WDR33: variants seen among roughly 807,000 people sequenced by gnomAD.
The protein encoded by WDR33 is pre-mRNA 3' end processing protein WDR33.
WDR33 carries 47 observed loss-of-function variants against 164.9 expected under a neutral mutation model. The observed-to-expected ratio is 0.29, with a 90% CI of 0.23 to 0.36. WDR33 has a LOEUF of 0.36. Ranked by LOEUF, WDR33 falls within the 10% of genes least tolerant of loss-of-function variation. WDR33 has a pLI of 1.00. For missense variants in WDR33, 1,137 were observed against 1,754.1 expected, an observed-to-expected ratio of 0.65 and a Z score of 6.28; for synonymous variants, 505 against 589.0, an observed-to-expected ratio of 0.86 and a Z score of 2.06.
At position 127,736,345 on chromosome 2, in the gene WDR33, A is replaced by G. The variant is rs141280487; in HGVS notation, c.725-9568T>C. ...CTTTAACCTTTAATTTGTAATGTGT[A>G]TTTCTTTACTGAAAATTCAGAAATG... On this transcript the variant is annotated intron_variant, in intron 7 of 21. Coordinates refer to ENST00000322313, the MANE Select transcript of WDR33 (RefSeq NM_018383.5). 4.7e-4 allele frequency: 467 copies of G among 985,428 alleles called. 2 individuals are homozygous for G. The Middle Eastern group carries it at 8.9e-3, about 19-fold the overall frequency. The allele number at this position is 985,428 out of a possible 1,614,324, so 61.0% of individuals were successfully genotyped here. A position where few individuals can be genotyped will look rare whatever the true frequency, so the allele number is the denominator to read the frequency against.
chr2:127,720,647 C>A lies in WDR33; in HGVS notation c.1672-294G>T, dbSNP rs1686417061. Among the ~76,000 whole-genome samples, 1 of 151,942 alleles carries A rather than the reference C, an allele frequency of 6.6e-6. No homozygotes were observed. Among genetic ancestry groups the A allele is most frequent in the South Asian group, 2.1e-4 (1 of 4,814 alleles). On this transcript the variant is annotated intron_variant, in intron 15 of 21. Transcript: ENST00000322313. The surrounding 1 kb of genome is among the most constrained non-coding windows in gnomAD (Gnocchi z 5.9). ...TGGTACGATCGTGGTTCACTACAGC[C>A]TCACCCTCCTGGGCTCAAGTGATCC...
At position 127,764,866 on chromosome 2, in the gene WDR33, C is replaced by T; in HGVS notation, c.588G>A (p.Lys196=). 6.2e-7 allele frequency: 1 copy of T among 1,614,166 alleles called. No homozygotes were observed. The highest frequency in any genetic ancestry group is 8.5e-7 in the Non-Finnish European group (1 of 1,180,020). The part of the protein sequence containing the change: ...KYWQSNMNNV[K]MFQAHKEAIR... ...TCGCCTCCTTATGTGCCTGGAACAT[C>T]TTGACGTTGTTCATGTTCGACTGCC... The change falls in exon 6 of 22, where the codon AAG becomes AAA. Residue 196 remains lysine, a synonymous_variant. Coordinates refer to ENST00000322313, the MANE Select transcript of WDR33 (RefSeq NM_018383.5). The surrounding 1 kb of genome is among the most constrained non-coding windows in gnomAD (Gnocchi z 6.2).
In WDR33 at chr2:127,706,435, C is replaced by T. The variant is rs1314403392; in HGVS notation, c.3899G>A (p.Ser1300Asn). ...CCGGCCCCCTCGAGAAGGGGTGCCA[C>T]TGCCTGGAGGGCCCCCAAAAGGTTC... ...RDEPFGGPPG[S>N]GTPSRGGRSG... The change falls in exon 22 of 22, where the codon AGT (serine) becomes AAT (asparagine). Residue 1300 changes from serine (S) to asparagine (N), a missense_variant. Around this residue, in one of 9 missense-constraint regions of WDR33, gnomAD observed 867 missense variants for 1,073.0 expected, o/e 0.81. Transcript: ENST00000322313. The surrounding 1 kb of genome is among the most constrained non-coding windows in gnomAD (Gnocchi z 5.1). The T allele has an allele frequency of 1.2e-6, 2 of 1,613,564 alleles. No individual in the cohort carries two copies. Among genetic ancestry groups the T allele is most frequent in the African/African-American group, 2.7e-5 (2 of 74,902 alleles).
intron 1 of WDR33, among the ~76,000 whole-genome samples, chr2:127,788,660 C>T (rs1171288534): frequency 6.8e-4 from 101 of 147,970 alleles, no homozygotes; most frequent in African/African-American, 2.5e-3. Flanking sequence ...CTGACCCCCC[C>T]ACCTCCCTCC....
chr2:127,750,519 T>G (rs1285461555), intron 7 of WDR33, among the ~76,000 whole-genome samples: 1 of 149,930 alleles, frequency 6.7e-6, no homozygotes, highest in African/African-American at 2.5e-5. Flanking sequence ...TGGTGGCACG[T>G]GCCTATAATC....
chr2:127,717,064 C>G lies in WDR33; in HGVS notation c.2869+91G>C. 7.6e-7 allele frequency: 1 copy of G among 1,315,564 alleles called. No homozygotes were observed. Among genetic ancestry groups the G allele is most frequent in the Non-Finnish European group, 1.1e-6 (1 of 932,866 alleles). The allele number at this position is 1,315,564 out of a possible 1,614,324, so 81.5% of individuals were successfully genotyped here. A position where few individuals can be genotyped will look rare whatever the true frequency, so the allele number is the denominator to read the frequency against. Reference sequence around the variant, plus strand: ...TTGCCCAGAGGTTCAAATGACCAGTCTATCAATGACTGGCCAACAAAATTA... The same window carrying G: ...TTGCCCAGAGGTTCAAATGACCAGTGTATCAATGACTGGCCAACAAAATTA... On this transcript the variant is annotated intron_variant, in intron 17 of 21. Coordinates refer to ENST00000322313, the MANE Select transcript of WDR33 (RefSeq NM_018383.5). This position sits in a 1 kb window ranked among gnomAD's most constrained non-coding sequence, Gnocchi z 5.6.
chr2:127,743,299 T>C (rs1386725411), intron 7 of WDR33, among the ~76,000 whole-genome samples: 2 of 152,162 alleles, frequency 1.3e-5, no homozygotes, highest in Admixed American at 6.5e-5. Flanking sequence ...AAGGTAATAA[T>C]AAATTGCAAG....
intron 1 of WDR33, among the ~76,000 whole-genome samples, chr2:127,791,996 T>C (rs1003676094): frequency 1.3e-5 from 2 of 151,712 alleles, no homozygotes; most frequent in Non-Finnish European, 1.5e-5. Flanking sequence ...TGGAGTGCAG[T>C]GGTGTGATCT....
intron 1 of WDR33, among the ~76,000 whole-genome samples, chr2:127,783,965 T>C (rs1688469011): frequency 6.7e-6 from 1 of 149,454 alleles, no homozygotes; most frequent in Non-Finnish European, 1.5e-5. Context: ...TACTGTGGTA[T>C]TGGATACTGG....
At chr2:127,771,937 G>A (rs776971027) in intron 1 of WDR33, among the ~76,000 whole-genome samples, 59 of 152,228 alleles carry the variant, frequency 3.9e-4, no homozygotes, top group Non-Finnish European at 8.2e-4. Context: ...TCAGTGGATG[G>A]GTACGTGTTT....
chr2:127,797,810 G>C (rs909701146), intron 1 of WDR33, among the ~76,000 whole-genome samples: 1 of 151,952 alleles, frequency 6.6e-6, no homozygotes, highest in African/African-American at 2.4e-5. Flanking sequence ...TCAGAAGTTC[G>C]AGACCAGTCT....
At chr2:127,733,078 T>C (rs1686750103) in intron 7 of WDR33, among the ~76,000 whole-genome samples, 2 of 152,208 alleles carry the variant, frequency 1.3e-5, no homozygotes, top group Admixed American at 1.3e-4. Flanking sequence ...GCCTGGTGAC[T>C]AGACGTTATA....
At chr2:127,733,466 T>C (rs906836508) in intron 7 of WDR33, among the ~76,000 whole-genome samples, 1 of 152,220 alleles carries the variant, frequency 6.6e-6, no homozygotes, top group Non-Finnish European at 1.5e-5. Flanking sequence ...TAGATCACTA[T>C]ATAAAGAAAA....
intron 1 of WDR33, among the ~76,000 whole-genome samples, chr2:127,775,363 CT>C: frequency 6.6e-6 from 1 of 152,194 alleles, no homozygotes; most frequent in South Asian, 2.1e-4. Context: ...TAATTTTTGT[CT>C]TTTTAATAGA....
intron 7 of WDR33, among the ~76,000 whole-genome samples, chr2:127,746,151 G>A (rs1687163122): frequency 6.6e-6 from 1 of 151,514 alleles, no homozygotes. Flanking sequence ...AGATGATAGT[G>A]GAAATAAAAT....
Position 127,702,400 on chromosome 2 carries a change from G to C in WDR33, c.*3923C>G. The C allele has an allele frequency of 3.1e-6, 1 of 321,608 alleles. No homozygotes were observed. The highest frequency in any genetic ancestry group is 5.8e-6 in the Non-Finnish European group (1 of 172,654). 19.9% of individuals were successfully genotyped at this position (321,608 alleles called of 1,614,324 possible). A position where few individuals can be genotyped will look rare whatever the true frequency, so the allele number is the denominator to read the frequency against. ...TTGTGCTGGACTTGGCACACGCTCT[G>C]AAAACTGAGATTTTGTCATTGAACT... is the stretch of plus-strand genomic sequence containing the variant. On this transcript the variant is annotated 3_prime_UTR_variant, in exon 22 of 22. Coordinates refer to ENST00000322313, the MANE Select transcript of WDR33 (RefSeq NM_018383.5).
At chr2:127,729,093 G>C (rs1686639676) in intron 7 of WDR33, among the ~76,000 whole-genome samples, 1 of 152,174 alleles carries the variant, frequency 6.6e-6, no homozygotes, top group African/African-American at 2.4e-5. Flanking sequence ...AAATCAAACT[G>C]ATTGGTCCTG....
At chr2:127,711,561 A>G (rs958711260) in intron 18 of WDR33, among the ~76,000 whole-genome samples, 1 of 150,922 alleles carries the variant, frequency 6.6e-6, no homozygotes, top group African/African-American at 2.4e-5. Flanking sequence ...ATGCTTGGAT[A>G]TCATTAAGAG....
At chr2:127,711,774 A>T (rs188694341) in intron 18 of WDR33, among the ~76,000 whole-genome samples, 26,710 of 92,192 alleles carry the variant, frequency 0.29, 5,115 homozygotes, top group African/African-American at 0.48. Context: ...ATATATATAT[A>T]TATATATTTT....
Sources: gnomAD v4.1 joint callset for allele counts (sites outside exome capture counted in the v4.1 genomes callset) on GRCh38, gnomAD v4.1.1 for gene constraint, gnomAD v4.1.1 regional missense constraint, Gnocchi (gnomAD v3.1) non-coding constraint, MANE v1.5 for transcripts, NCBI Gene and HGNC (gene_info 2026-07-23, HGNC 2026-07-21) for gene names.